The following ATP8B4 variants were observed in gnomAD, a reference collection of about 807,000 sequenced individuals.
The protein encoded by ATP8B4 is probable phospholipid-transporting ATPase IM.
ATP8B4 carries 133 observed loss-of-function variants against 145.6 expected under a neutral mutation model. The ratio of observed to expected loss-of-function variants is 0.91; its 90% CI spans 0.79 to 1.05. The LOEUF (loss-of-function observed/expected upper bound fraction) is 1.05. ATP8B4 is among the 50% of genes least tolerant of loss of function. The pLI is 0.00. For missense variants in ATP8B4, 1,458 were observed against 1,425.2 expected (o/e 1.02, Z -0.37); for synonymous variants, 507 against 492.9 (o/e 1.03, Z -0.38).
At chr15:49,934,998 C>A (rs1212419648) in intron 14 of ATP8B4, among the ~76,000 whole-genome samples, 2 of 150,438 alleles carry the variant, frequency 1.3e-5, no homozygotes, top group East Asian at 3.9e-4. Flanking sequence ...ACTGCATTAA[C>A]TTTTGCAATT....
chr15:50,003,602 T>G (rs1335489435), intron 7 of ATP8B4, among the ~76,000 whole-genome samples: 1 of 152,142 alleles, frequency 6.6e-6, no homozygotes, highest in Non-Finnish European at 1.5e-5. Flanking sequence ...CAAATTTCAA[T>G]GCATAAAACC....
intron 10 of ATP8B4, among the ~76,000 whole-genome samples, chr15:49,983,412 C>T (rs557424711): frequency 1.3e-5 from 2 of 152,284 alleles, no homozygotes; most frequent in African/African-American, 4.8e-5. Flanking sequence ...TCCTCACCTT[C>T]AAGCCTGGTC....
intron 6 of ATP8B4, among the ~76,000 whole-genome samples, chr15:50,012,244 C>T (rs2048769643): frequency 6.6e-6 from 1 of 152,114 alleles, no homozygotes. Flanking sequence ...CCTCTGGCAC[C>T]TTAGTGACAC....
intron 1 of ATP8B4, among the ~76,000 whole-genome samples, chr15:50,132,721 C>T (rs899463297): frequency 6.6e-6 from 1 of 152,208 alleles, no homozygotes; most frequent in Non-Finnish European, 1.5e-5. Flanking sequence ...AAATGCCCAT[C>T]AGTGACAGAC....
At chr15:49,870,995 C>T (rs894622736) in intron 25 of ATP8B4, among the ~76,000 whole-genome samples, 50 of 152,220 alleles carry the variant, frequency 3.3e-4, no homozygotes, top group Admixed American at 2.9e-3. Context: ...GTGGGGACCA[C>T]GAATTCCCTG....
Position 49,916,915 on chromosome 15 carries a change from T to A in ATP8B4, c.2141+19A>T, listed in dbSNP as rs761916907. The A allele has an allele frequency of 6.2e-7, 1 of 1,605,224 alleles. No homozygotes were observed. The highest frequency in any genetic ancestry group is 8.5e-7 in the Non-Finnish European group (1 of 1,172,868). On this transcript the variant is annotated intron_variant, in intron 20 of 27. Transcript: ENST00000284509. ...TCCCTCTCGTCCTTCCATCCTTTCCTCCTTCCTTCAACACCTACCTGAGTT... is the reference window on the plus strand; with the variant it reads ...TCCCTCTCGTCCTTCCATCCTTTCCACCTTCCTTCAACACCTACCTGAGTT...
At chr15:50,087,537 A>C (rs988513868) in intron 2 of ATP8B4, among the ~76,000 whole-genome samples, 2 of 151,012 alleles carry the variant, frequency 1.3e-5, no homozygotes, top group African/African-American at 4.8e-5. Flanking sequence ...TATTATACTT[A>C]GTAAGTATAA....
chr15:49,951,739 T>G (rs1407845340), intron 14 of ATP8B4, among the ~76,000 whole-genome samples: 2 of 152,208 alleles, frequency 1.3e-5, no homozygotes, highest in East Asian at 3.9e-4. Context: ...GTCATCATGA[T>G]GCTATTTGGT....
At position 49,860,077 on chromosome 15, in the gene ATP8B4, T is replaced by G; in HGVS notation, c.*117A>C. On this transcript the variant is annotated 3_prime_UTR_variant, in exon 28 of 28. Coordinates refer to ENST00000284509, the MANE Select transcript of ATP8B4 (RefSeq NM_024837.4). ...GCAGTTGTCTGCCGCAGATTTAAGTTAAGTGAGGCAATCTGCCTGCCCCAC... is the reference window on the plus strand; with the variant it reads ...GCAGTTGTCTGCCGCAGATTTAAGTGAAGTGAGGCAATCTGCCTGCCCCAC... The G allele has an allele frequency of 1.6e-6, 2 of 1,287,466 alleles. No individual in the cohort carries two copies. The highest frequency in any genetic ancestry group is 1.5e-5 in the South Asian group (1 of 68,858). 79.8% of individuals were successfully genotyped at this position (1,287,466 alleles called of 1,614,324 possible). A position where few individuals can be genotyped will look rare whatever the true frequency, so the allele number is the denominator to read the frequency against.
chr15:50,168,352 GT>G (rs1478270123), intron 1 of ATP8B4, among the ~76,000 whole-genome samples: 1 of 152,150 alleles, frequency 6.6e-6, no homozygotes, highest in East Asian at 1.9e-4. Context: ...CACAAATACT[GT>G]GAGTGCCCCA....
intron 3 of ATP8B4, among the ~76,000 whole-genome samples, chr15:50,063,952 A>C (rs554645952): frequency 1.2e-4 from 19 of 152,314 alleles, no homozygotes; most frequent in African/African-American, 4.6e-4. Flanking sequence ...ATTGATGGAA[A>C]AATTACCTAA....
chr15:50,046,990 A>G (rs2051773896), intron 4 of ATP8B4, among the ~76,000 whole-genome samples: 1 of 152,230 alleles, frequency 6.6e-6, no homozygotes, highest in Non-Finnish European at 1.5e-5. Context: ...CAACCTACTC[A>G]GTCTTAGTCA....
At chr15:49,866,996 C>G (rs1465036073) in intron 25 of ATP8B4, among the ~76,000 whole-genome samples, 2 of 152,148 alleles carry the variant, frequency 1.3e-5, no homozygotes, top group East Asian at 3.8e-4. Context: ...CAACTTATAA[C>G]AAAGAAAATT....
chr15:49,984,683 A>G, intron 10 of ATP8B4, among the ~76,000 whole-genome samples: 1 of 152,130 alleles, frequency 6.6e-6, no homozygotes, highest in Non-Finnish European at 1.5e-5. Context: ...CTTCCTAGGG[A>G]TCCCCGAGAC....
At chr15:49,899,444 G>A (rs552507372) in intron 21 of ATP8B4, among the ~76,000 whole-genome samples, 1 of 152,166 alleles carries the variant, frequency 6.6e-6, no homozygotes, top group Admixed American at 6.5e-5. Flanking sequence ...ACCGGGGCAC[G>A]CTTAATAAAA....
chr15:49,984,259 C>A (rs1463967226), intron 10 of ATP8B4, among the ~76,000 whole-genome samples: 1 of 152,134 alleles, frequency 6.6e-6, no homozygotes, highest in Non-Finnish European at 1.5e-5. Flanking sequence ...TTCTAAAGTT[C>A]TTGGTCTTTA....
chr15:50,147,878 G>C (rs1209956875), intron 1 of ATP8B4, among the ~76,000 whole-genome samples: 1 of 152,162 alleles, frequency 6.6e-6, no homozygotes, highest in Admixed American at 6.5e-5. Context: ...TTCAGGCAAG[G>C]ATCATCAAAG....
chr15:49,907,604 A>G (rs1001887211), intron 20 of ATP8B4, among the ~76,000 whole-genome samples: 19 of 152,254 alleles, frequency 1.2e-4, no homozygotes, highest in African/African-American at 4.6e-4. Flanking sequence ...CGCATGGAAC[A>G]GTCATAAAGC....
Position 49,876,263 on chromosome 15 carries a change from C to T in ATP8B4, c.3027+15G>A. 1.2e-6 allele frequency: 2 copies of T among 1,612,034 alleles called. No homozygotes were observed. The highest frequency in any genetic ancestry group is 1.7e-6 in the Non-Finnish European group (2 of 1,178,734). On this transcript the variant is annotated intron_variant, in intron 25 of 27. Transcript: ENST00000284509. ...TAAACCCATCAAGTTAAGGTGCTTA[C>T]ACCGACAGCGTTACCTGCACACTGA...
Sources: gnomAD v4.1 joint callset for allele counts (sites outside exome capture counted in the v4.1 genomes callset) on GRCh38, gnomAD v4.1.1 for gene constraint, MANE v1.5 for transcripts, NCBI Gene and HGNC (gene_info 2026-07-23, HGNC 2026-07-21) for gene names.